Variants in TADA2A observed in about 807,000 individuals in gnomAD.
The protein encoded by TADA2A is transcriptional adaptor 2A, also known as transcriptional adapter 2-alpha.
In TADA2A, 38 loss-of-function variants were observed where a neutral mutation model predicts 67.4. The observed-to-expected ratio is 0.56, with a 90% CI of 0.44 to 0.74. TADA2A has a LOEUF of 0.74. TADA2A is among the 30% of genes least tolerant of loss of function. The probability of loss-of-function intolerance (pLI) is 0.00; values close to 1 mark genes in which losing one functional copy is unlikely to be tolerated. For missense variants in TADA2A, 454 were observed against 547.0 expected (o/e 0.83, Z 1.70); for synonymous variants, 192 against 181.6 (o/e 1.06, Z -0.46).
chr17:37,429,041 G>A (rs1333670149), intron 4 of TADA2A, among the ~76,000 whole-genome samples: 2 of 114,974 alleles, frequency 1.7e-5, no homozygotes, highest in Non-Finnish European at 3.4e-5. Context: ...GTGAGACTCC[G>A]TCTCAAAAAA....
chr17:37,451,926 G>A (rs1416784776), intron 8 of TADA2A, among the ~76,000 whole-genome samples: 1 of 152,128 alleles, frequency 6.6e-6, no homozygotes, highest in East Asian at 1.9e-4. Flanking sequence ...AGAGGTTGCA[G>A]TGAGCCAAGA....
Position 37,479,300 on chromosome 17 carries a change from G to A in TADA2A, c.*2318G>A, listed in dbSNP as rs933856328. The A allele has an allele frequency of 6.6e-6, 1 of 152,304 alleles. No homozygotes were observed. 9.4% of individuals were successfully genotyped at this position (152,304 alleles called of 1,614,324 possible). A position where few individuals can be genotyped will look rare whatever the true frequency, so the allele number is the denominator to read the frequency against. On this transcript the variant is annotated 3_prime_UTR_variant, in exon 16 of 16. Coordinates refer to ENST00000615182, the MANE Select transcript of TADA2A (RefSeq NM_001166105.3). ...GGGGCAGCTGGGTAGTTAGGAGTGGGAGGATGGTAGGACAGTCTGACAGAA... is the reference window on the plus strand; with the variant it reads ...GGGGCAGCTGGGTAGTTAGGAGTGGAAGGATGGTAGGACAGTCTGACAGAA...
At chr17:37,463,421 A>C (rs1311691129) in intron 10 of TADA2A, among the ~76,000 whole-genome samples, 1 of 151,988 alleles carries the variant, frequency 6.6e-6, no homozygotes, top group Non-Finnish European at 1.5e-5. Flanking sequence ...GGGTTCAGTC[A>C]ACAAGGTTAA....
At position 37,422,246 on chromosome 17, in the gene TADA2A, A is replaced by G. The variant is rs1039407256; in HGVS notation, c.26-1263A>G. Among the ~76,000 whole-genome samples, 11 of 142,946 alleles carry G rather than the reference A, an allele frequency of 7.7e-5. 1 individual carries two copies. The highest frequency in any genetic ancestry group is 2.5e-4 in the African/African-American group (10 of 39,744). 93.8% of individuals were successfully genotyped at this position (142,946 alleles called of 152,430 possible). A position where few individuals can be genotyped will look rare whatever the true frequency, so the allele number is the denominator to read the frequency against. ...TTTTTAGTAGAGATGGGGTTTCACC[A>G]TCTTGGCCAGGCTGGTCTTGAACTC... On this transcript the variant is annotated intron_variant, in intron 2 of 15. Coordinates refer to ENST00000615182, the MANE Select transcript of TADA2A (RefSeq NM_001166105.3).
intron 2 of TADA2A, among the ~76,000 whole-genome samples, chr17:37,417,525 C>T (rs1156466220): frequency 6.6e-6 from 1 of 152,004 alleles, no homozygotes; most frequent in Non-Finnish European, 1.5e-5. Flanking sequence ...GACAATATGT[C>T]TACATATGTG....
chr17:37,418,434 G>C (rs188230216), intron 2 of TADA2A, among the ~76,000 whole-genome samples: 2 of 152,090 alleles, frequency 1.3e-5, no homozygotes, highest in African/African-American at 2.4e-5. Context: ...GGCTCCCTAG[G>C]GGGGAGTTGA....
chr17:37,425,179 C>T (rs1040890759), intron 3 of TADA2A, among the ~76,000 whole-genome samples: 1 of 152,212 alleles, frequency 6.6e-6, no homozygotes, highest in African/African-American at 2.4e-5. Context: ...CACGCCCGGC[C>T]ATAACACTGT....
At chr17:37,411,199 G>A (rs988491778) in intron 1 of TADA2A, 70 bp from the exon 2 acceptor site, 3 of 664,978 alleles carry the variant, frequency 4.5e-6, no homozygotes, top group Non-Finnish European at 8.2e-6. Context: ...TGAGTATGTT[G>A]CATATCTTCT....
At chr17:37,421,615 G>C (rs2052234211) in intron 2 of TADA2A, among the ~76,000 whole-genome samples, 1 of 145,486 alleles carries the variant, frequency 6.9e-6, no homozygotes, top group South Asian at 2.3e-4. Flanking sequence ...TGAAACTCTT[G>C]TCTCTACAGA....
rs35001882 is a variant in TADA2A at position 37,470,410 on chromosome 17, C to G, written c.906C>G (p.Thr302=). The change falls in exon 13 of 16, where the codon ACC becomes ACG. Residue 302 remains threonine, a synonymous_variant. Coordinates refer to ENST00000615182, the MANE Select transcript of TADA2A (RefSeq NM_001166105.3). ...TTTCTATACCCCCAGGTGCCAGAAC[C>G]TACGATCACCTCAAGAAGACACGGG... is the stretch of plus-strand genomic sequence containing the variant. ...AGITNFCSAR[T]YDHLKKTREE... is the part of the protein sequence containing the mutation. 7 of 1,613,620 alleles carry G rather than the reference C, an allele frequency of 4.3e-6. No homozygotes were observed. In the African/African-American group the frequency reaches 8.0e-5, roughly 18 times the overall value.
intron 1 of TADA2A, among the ~76,000 whole-genome samples, chr17:37,410,039 C>T (rs927914843): frequency 3.3e-5 from 5 of 151,970 alleles, no homozygotes; most frequent in Non-Finnish European, 5.9e-5. Flanking sequence ...ATGGTGGTGG[C>T]ACATGCTTGT....
intron 10 of TADA2A, among the ~76,000 whole-genome samples, chr17:37,462,972 G>A (rs933297491): frequency 1.3e-5 from 2 of 151,664 alleles, no homozygotes; most frequent in Non-Finnish European, 3.0e-5. Context: ...GTGGTTTTTT[G>A]TTGTTGTTTG....
intron 3 of TADA2A, among the ~76,000 whole-genome samples, chr17:37,425,815 A>ATTT (rs1235489576): frequency 7.9e-6 from 1 of 126,892 alleles, no homozygotes; most frequent in Non-Finnish European, 1.7e-5. Context: ...TGTCCAGCTA[A>ATTT]TTTTTTTTTT....
intron 14 of TADA2A, among the ~76,000 whole-genome samples, chr17:37,473,659 C>T (rs2053837918): frequency 6.6e-6 from 1 of 152,154 alleles, no homozygotes; most frequent in Admixed American, 6.6e-5. Context: ...ACATTCAAAA[C>T]AAAACCAAAA....
At chr17:37,409,092 T>C (rs1448846836) in intron 1 of TADA2A, among the ~76,000 whole-genome samples, 2 of 152,160 alleles carry the variant, frequency 1.3e-5, no homozygotes, top group East Asian at 3.9e-4. Flanking sequence ...CACTTATTTA[T>C]TATTTATTTT....
intron 4 of TADA2A, chr17:37,436,518 C>T (rs1427323137): frequency 2.6e-5 from 4 of 152,028 alleles, no homozygotes; most frequent in Non-Finnish European, 5.9e-5. Flanking sequence ...GCCACCATGT[C>T]CGGCTAATTT....
At chr17:37,409,755 G>A (rs1046977789) in intron 1 of TADA2A, among the ~76,000 whole-genome samples, 6 of 137,038 alleles carry the variant, frequency 4.4e-5, no homozygotes, top group Non-Finnish European at 7.7e-5. Context: ...CAACGAGAGC[G>A]AGACTTAGTC....
At chr17:37,470,793 A>C (rs1015312475) in intron 13 of TADA2A, among the ~76,000 whole-genome samples, 2 of 152,064 alleles carry the variant, frequency 1.3e-5, no homozygotes, top group Non-Finnish European at 2.9e-5. Context: ...CCATGACTTC[A>C]ACTCTCTCTT....
Position 37,470,324 on chromosome 17 carries a change from G to A in TADA2A, c.896-76G>A, listed in dbSNP as rs2053758547. On this transcript the variant is annotated intron_variant, in intron 12 of 15. Coordinates refer to ENST00000615182, the MANE Select transcript of TADA2A (RefSeq NM_001166105.3). ...GACTTTAAGAACAAAACCCAAAACC[G>A]GTTTCTTGGTCAGTTAGGAAGCCCT... 5.1e-6 allele frequency: 8 copies of A among 1,563,248 alleles called. No homozygotes were observed. In the South Asian group the frequency reaches 5.9e-5, roughly 11 times the overall value.
Sources: gnomAD v4.1 joint callset for allele counts (sites outside exome capture counted in the v4.1 genomes callset) on GRCh38, gnomAD v4.1.1 for gene constraint, MANE v1.5 for transcripts, NCBI Gene and HGNC (gene_info 2026-07-23, HGNC 2026-07-21) for gene names.